The following OLFM2 variants were observed in gnomAD, a reference collection of about 807,000 sequenced individuals.
OLFM2 encodes noelin-2.
OLFM2 carries 20 observed loss-of-function variants against 43.9 expected under a neutral mutation model. That is an observed-to-expected ratio of 0.46 (90% confidence interval 0.32 to 0.66). OLFM2 has a LOEUF of 0.66. Ranked by LOEUF, OLFM2 falls within the 30% of genes least tolerant of loss-of-function variation. OLFM2 has a pLI of 0.04. For synonymous variants in OLFM2, 268 were observed against 278.6 expected, an observed-to-expected ratio of 0.96 and a Z score of 0.38; for missense variants, 416 against 643.6, an observed-to-expected ratio of 0.65 and a Z score of 3.83.
chr19:9,920,873 C>CTCCA (rs1314720819), intron 1 of OLFM2, among the ~76,000 whole-genome samples: 5 of 151,554 alleles, frequency 3.3e-5, no homozygotes, highest in African/African-American at 1.2e-4. Context: ...CACCACTGTA[C>CTCCA]TCCAGCCTGG....
Position 9,854,868 on chromosome 19 carries a change from G to T in OLFM2, c.688-5C>A, listed in dbSNP as rs765163197. 1 of 1,565,842 alleles carries T rather than the reference G, an allele frequency of 6.4e-7. No individual in the cohort carries two copies. Among genetic ancestry groups the T allele is most frequent in the South Asian group, 1.2e-5 (1 of 85,202 alleles). On this transcript the variant is annotated splice_polypyrimidine_tract_variant and splice_region_variant and intron_variant, in intron 5 of 5. Coordinates refer to ENST00000264833, the MANE Select transcript of OLFM2 (RefSeq NM_058164.4). This position sits in a 1 kb window ranked among gnomAD's most constrained non-coding sequence, Gnocchi z 9.5. ...ATAGCCATCCATGTACCAGACCTAT[G>T]GTAGCAGCCGCTGGTCACTGGGGGG...
intron 1 of OLFM2, among the ~76,000 whole-genome samples, chr19:9,894,434 G>T (rs2046665557): frequency 7.2e-6 from 1 of 139,652 alleles, no homozygotes; most frequent in Admixed American, 7.3e-5. Flanking sequence ...ATAAAGCCAG[G>T]TGCAGTGGCT....
intron 1 of OLFM2, among the ~76,000 whole-genome samples, chr19:9,930,843 ACT>A (rs1351938590): frequency 2.6e-5 from 4 of 151,776 alleles, no homozygotes; most frequent in South Asian, 2.1e-4. Flanking sequence ...ACACAGCAAG[ACT>A]CTGTTTCAAA....
chr19:9,868,162 A>G (rs964433405), intron 1 of OLFM2, among the ~76,000 whole-genome samples: 2 of 151,960 alleles, frequency 1.3e-5, no homozygotes, highest in Non-Finnish European at 2.9e-5. Flanking sequence ...TCGAGGGTTC[A>G]AGTGATTCTC....
rs1024707413 is a variant in OLFM2, at chr19:9,863,918, A to G, written c.64-3124T>C. On this transcript the variant is annotated intron_variant, in intron 1 of 5. Coordinates refer to ENST00000264833, the MANE Select transcript of OLFM2 (RefSeq NM_058164.4). ...TGTACACCCTTCCTAAATGGGGGGAACCCCCTCTTTGTAAGTTGCACATCC... is the reference window on the plus strand; with the variant it reads ...TGTACACCCTTCCTAAATGGGGGGAGCCCCCTCTTTGTAAGTTGCACATCC... Among the ~76,000 whole-genome samples, 3 of 152,218 alleles carry G rather than the reference A, an allele frequency of 2.0e-5. No individual in the cohort carries two copies. In the East Asian group the frequency reaches 5.8e-4, roughly 29 times the overall value.
At chr19:9,906,125 T>C (rs992376345) in intron 1 of OLFM2, among the ~76,000 whole-genome samples, 4 of 152,122 alleles carry the variant, frequency 2.6e-5, no homozygotes, top group East Asian at 3.9e-4. Context: ...GGGGACCAGG[T>C]AGGTCTCCAA....
chr19:9,926,509 G>A (rs966939503), intron 1 of OLFM2, among the ~76,000 whole-genome samples: 4 of 151,888 alleles, frequency 2.6e-5, no homozygotes, highest in African/African-American at 7.3e-5. Flanking sequence ...CTGAGATCGC[G>A]CCACTGCACT....
At chr19:9,885,380 A>C (rs2046577395) in intron 1 of OLFM2, among the ~76,000 whole-genome samples, 1 of 152,190 alleles carries the variant, frequency 6.6e-6, no homozygotes, top group Admixed American at 6.6e-5. Flanking sequence ...CTGGTGTCAG[A>C]CATCCACGCT....
rs539287564 is a variant in OLFM2, at chr19:9,913,519, G to A, written c.63+22785C>T. 16 of 1,183,520 alleles carry A rather than the reference G, an allele frequency of 1.4e-5. No homozygotes were observed. In the South Asian group the frequency reaches 3.8e-4, roughly 28 times the overall value. The allele number at this position is 1,183,520 out of a possible 1,614,324, so 73.3% of individuals were successfully genotyped here. ...AGGCGCCCGCACGGGACACGGTGCC[G>A]TTGAGCCCCACGAGCGAGGGCAGCG... On this transcript the variant is annotated intron_variant, in intron 1 of 5. Coordinates refer to ENST00000264833, the MANE Select transcript of OLFM2 (RefSeq NM_058164.4).
intron 1 of OLFM2, among the ~76,000 whole-genome samples, chr19:9,866,497 C>CTTTTTT (rs35368530): frequency 8.0e-6 from 1 of 125,592 alleles, no homozygotes; most frequent in Non-Finnish European, 1.6e-5. Context: ...AGCCAACCCA[C>CTTTTTT]TTTTTTTTTT....
At chr19:9,913,183 G>A (rs2046842684) in intron 1 of OLFM2, among the ~76,000 whole-genome samples, 2 of 152,100 alleles carry the variant, frequency 1.3e-5, no homozygotes, top group African/African-American at 2.4e-5. Context: ...GGGCCGGAGC[G>A]AGCCTGGTAC....
At position 9,887,088 on chromosome 19, in the gene OLFM2, C is replaced by T. The variant is rs147637020; in HGVS notation, c.64-26294G>A. Among the ~76,000 whole-genome samples the T allele has an allele frequency of 7.8e-3, 1,192 of 152,310 alleles. 20 individuals carry two copies. Among genetic ancestry groups the T allele is most frequent in the African/African-American group, 0.027 (1,107 of 41,576 alleles). On this transcript the variant is annotated intron_variant, in intron 1 of 5. Coordinates refer to ENST00000264833, the MANE Select transcript of OLFM2 (RefSeq NM_058164.4). ...CCTCAAAACAGAACAGTGCCTGGCA[C>T]GCAGCAGGTGTTCAATAAACATCTC...
chr19:9,863,824 T>G (rs1174838903), intron 1 of OLFM2, among the ~76,000 whole-genome samples: 1 of 152,102 alleles, frequency 6.6e-6, no homozygotes, highest in Non-Finnish European at 1.5e-5. Context: ...CCCCCACTAA[T>G]CTATAAGGAA....
chr19:9,934,673 G>C (rs561311482), intron 1 of OLFM2, among the ~76,000 whole-genome samples: 1 of 152,178 alleles, frequency 6.6e-6, no homozygotes, highest in African/African-American at 2.4e-5. Context: ...CTTCTCTCAG[G>C]CTCACACATC....
At chr19:9,877,037 C>A (rs1184820045) in intron 1 of OLFM2, among the ~76,000 whole-genome samples, 1 of 151,848 alleles carries the variant, frequency 6.6e-6, no homozygotes, top group South Asian at 2.1e-4. Flanking sequence ...CGAGACCAGC[C>A]TGGCCAACAT....
chr19:9,915,835 C>T (rs1397078880), intron 1 of OLFM2, among the ~76,000 whole-genome samples: 1 of 152,098 alleles, frequency 6.6e-6, no homozygotes, highest in East Asian at 1.9e-4. Flanking sequence ...GACGTTTAAG[C>T]AGAGACCTGA....
chr19:9,904,561 A>G (rs1369974189), intron 1 of OLFM2, among the ~76,000 whole-genome samples: 1 of 151,870 alleles, frequency 6.6e-6, no homozygotes, highest in Non-Finnish European at 1.5e-5. Context: ...TTCCCTCAGC[A>G]CTGGTAGCTC....
intron 1 of OLFM2, among the ~76,000 whole-genome samples, chr19:9,924,433 A>AT: frequency 7.3e-6 from 1 of 136,450 alleles, no homozygotes; most frequent in African/African-American, 3.1e-5. Context: ...AAAAAAAAAA[A>AT]TTGTTTTTGA....
At chr19:9,861,375 C>CA (rs911342952) in intron 1 of OLFM2, among the ~76,000 whole-genome samples, 174 of 145,800 alleles carry the variant, frequency 1.2e-3, no homozygotes, top group African/African-American at 3.8e-3. Context: ...CCCTGTCTCA[C>CA]AAAAAAAAAA....
Sources: allele counts gnomAD v4.1 joint callset (sites outside exome capture counted in the v4.1 genomes callset), GRCh38; gene constraint gnomAD v4.1.1; non-coding constraint Gnocchi (gnomAD v3.1); transcripts MANE v1.5; gene names NCBI Gene and HGNC (gene_info 2026-07-23, HGNC 2026-07-21).